The following COL22A1 variants were observed in gnomAD, a reference collection of about 807,000 sequenced individuals.
COL22A1 encodes the protein collagen alpha-1(XXII) chain.
COL22A1 carries 221 observed loss-of-function variants against 248.9 expected under a neutral mutation model. The ratio of observed to expected loss-of-function variants is 0.89; its 90% CI spans 0.80 to 0.99. The LOEUF is 0.99. Ranked by LOEUF, COL22A1 falls within the 50% of genes least tolerant of loss-of-function variation. The pLI, the probability that COL22A1 is intolerant of heterozygous loss-of-function variation, is 0.00. For missense variants in COL22A1, 2,240 were observed against 2,179.0 expected (o/e 1.03, Z -0.56); for synonymous variants, 891 against 793.4 (o/e 1.12, Z -2.07).
chr8:138,797,189 CACAA>C (rs781179437), intron 11 of COL22A1, among the ~76,000 whole-genome samples: 103 of 152,244 alleles, frequency 6.8e-4, no homozygotes, highest in Non-Finnish European at 1.3e-3. Flanking sequence ...ACAAAATCCC[CACAA>C]ACAATTTTAG....
intron 12 of COL22A1, among the ~76,000 whole-genome samples, chr8:138,788,518 T>C (rs941056463): frequency 3.9e-5 from 6 of 152,216 alleles, no homozygotes; most frequent in African/African-American, 9.7e-5. Flanking sequence ...GATTCTTTGA[T>C]GATCTATGAA....
intron 11 of COL22A1, 41 bp downstream of exon 11, chr8:138,802,831 C>G: frequency 6.5e-7 from 1 of 1,547,162 alleles, no homozygotes; most frequent in Non-Finnish European, 8.9e-7. Context: ...CCCACGCCCG[C>G]CCTGAGGTTC....
chr8:138,600,972 A>G (rs1055150455), intron 60 of COL22A1, among the ~76,000 whole-genome samples: 3 of 152,206 alleles, frequency 2.0e-5, no homozygotes, highest in Admixed American at 2.0e-4. Context: ...TGTTCCCAGG[A>G]GTACAAAGAA....
At chr8:138,636,882 T>G (rs1322666570) in intron 47 of COL22A1, 87 bp from the exon 48 acceptor site, 5 of 1,095,532 alleles carry the variant, frequency 4.6e-6, no homozygotes, top group Middle Eastern at 2.0e-4. Context: ...ATTCATCCAT[T>G]CATTAATTCT....
chr8:138,643,635 T>TAGAC (rs1351714598), intron 47 of COL22A1, among the ~76,000 whole-genome samples: 2 of 81,604 alleles, frequency 2.5e-5, no homozygotes, highest in African/African-American at 4.1e-5. Context: ...GATAGATAGA[T>TAGAC]AGATAGATAG....
At chr8:138,678,307 A>G (rs569493285) in intron 40 of COL22A1, among the ~76,000 whole-genome samples, 1 of 152,242 alleles carries the variant, frequency 6.6e-6, no homozygotes, top group Non-Finnish European at 1.5e-5. Context: ...ATCTCTCACT[A>G]GGTCTCCTTG....
intron 35 of COL22A1, among the ~76,000 whole-genome samples, chr8:138,692,507 GTGTT>G (rs1564202828): frequency 7.2e-6 from 1 of 138,840 alleles, no homozygotes. Context: ...GTGTGTGTGT[GTGTT>G]GGCTTTGACT....
intron 1 of COL22A1, among the ~76,000 whole-genome samples, chr8:138,911,009 G>C (rs1366289717): frequency 6.6e-6 from 1 of 152,188 alleles, no homozygotes; most frequent in Non-Finnish European, 1.5e-5. Flanking sequence ...GGCTGGAAGG[G>C]AAGTGCTTGG....
chr8:138,716,435 A>G, intron 28 of COL22A1, 146 bp from the exon 29 acceptor site: 1 of 631,540 alleles, frequency 1.6e-6, no homozygotes, highest in Non-Finnish European at 2.8e-6. Context: ...TGCAGTGGAG[A>G]AAGCGGAATT....
At chr8:138,883,470 T>C (rs1011383784) in intron 1 of COL22A1, among the ~76,000 whole-genome samples, 2 of 152,190 alleles carry the variant, frequency 1.3e-5, no homozygotes, top group African/African-American at 4.8e-5. Flanking sequence ...AATTAGCAGA[T>C]GGGCTTGCAG....
chr8:138,901,267 GA>G (rs1308828654), intron 1 of COL22A1, among the ~76,000 whole-genome samples: 3 of 151,724 alleles, frequency 2.0e-5, no homozygotes, highest in African/African-American at 7.3e-5. Context: ...GGAATGGGGT[GA>G]GGAGTGAAAA....
intron 11 of COL22A1, among the ~76,000 whole-genome samples, chr8:138,798,349 A>G (rs769953979): frequency 6.6e-6 from 1 of 151,502 alleles, no homozygotes; most frequent in Non-Finnish European, 1.5e-5. Flanking sequence ...TTGTTCCTTT[A>G]TTGCTCCTTT....
chr8:138,896,984 T>C (rs1586991047), intron 1 of COL22A1, among the ~76,000 whole-genome samples: 1 of 136,470 alleles, frequency 7.3e-6, no homozygotes, highest in South Asian at 2.5e-4. Flanking sequence ...AAAAAAAAAA[T>C]CCATTCAGGC....
intron 35 of COL22A1, among the ~76,000 whole-genome samples, chr8:138,692,279 CA>C (rs1827113629): frequency 8.0e-4 from 1 of 1,256 alleles, no homozygotes; most frequent in African/African-American, 3.0e-3. Flanking sequence ...TTTGTGTGCA[CA>C]TGCATGTGTG....
rs762991982 is a variant in COL22A1 at position 138,694,475 on chromosome 8, C to G, written c.2700+33G>C. ...GAGTGTGGCTGGGATCTCCAAGTCT[C>G]TGAGCCAGCAGGGGAAGGGATGGTT... On this transcript the variant is annotated intron_variant, in intron 34 of 64. Coordinates refer to ENST00000303045, the MANE Select transcript of COL22A1 (RefSeq NM_152888.3). 4 of 1,609,590 alleles carry G rather than the reference C, an allele frequency of 2.5e-6. No homozygotes were observed. The Admixed American group carries it at 6.7e-5, about 27-fold the overall frequency.
At chr8:138,610,834 T>C (rs1818800753) in intron 56 of COL22A1, among the ~76,000 whole-genome samples, 1 of 152,168 alleles carries the variant, frequency 6.6e-6, no homozygotes, top group Non-Finnish European at 1.5e-5. Flanking sequence ...GAGGCTGAGA[T>C]GGGAGGACTG....
chr8:138,773,409 A>C, intron 16 of COL22A1, among the ~76,000 whole-genome samples: 1 of 152,188 alleles, frequency 6.6e-6, no homozygotes, highest in Non-Finnish European at 1.5e-5. Context: ...TCTTGTCTTC[A>C]CACAACCTGG....
chr8:138,834,263 G>A (rs998881573), intron 4 of COL22A1, among the ~76,000 whole-genome samples: 1 of 151,276 alleles, frequency 6.6e-6, no homozygotes, highest in African/African-American at 2.4e-5. Flanking sequence ...ATACTTCTCG[G>A]TATTCACACC....
At position 138,834,250 on chromosome 8, in the gene COL22A1, A is replaced by G. The variant is rs138131005; in HGVS notation, c.734-1100T>C. Reference sequence around the variant, plus strand: ...AACTCACCTGTGCCCCCCCAGGGATAATATACTTCTCGGTATTCACACCTA... The same window carrying G: ...AACTCACCTGTGCCCCCCCAGGGATGATATACTTCTCGGTATTCACACCTA... On this transcript the variant is annotated intron_variant, in intron 4 of 64. Coordinates refer to ENST00000303045, the MANE Select transcript of COL22A1 (RefSeq NM_152888.3). Among the ~76,000 whole-genome samples the G allele has an allele frequency of 2.3e-3, 349 of 152,212 alleles. 2 individuals are homozygous for G. Among genetic ancestry groups the G allele is most frequent in the Admixed American group, 3.9e-3 (59 of 15,288 alleles).
Sources: allele counts gnomAD v4.1 joint callset (sites outside exome capture counted in the v4.1 genomes callset), GRCh38; gene constraint gnomAD v4.1.1; transcripts MANE v1.5; gene names NCBI Gene and HGNC (gene_info 2026-07-23, HGNC 2026-07-21).